Variants in DDHD2 observed in about 807,000 individuals in gnomAD.
DDHD2 encodes triacylglycerol hydrolase DDHD2.
In DDHD2, 62 loss-of-function variants were observed where a neutral mutation model predicts 91.2. That is an observed-to-expected ratio of 0.68 (90% CI 0.55 to 0.84). The LOEUF (loss-of-function observed/expected upper bound fraction) is 0.84. Ranked by LOEUF, DDHD2 falls within the 40% of genes least tolerant of loss-of-function variation. The pLI is 0.00. For missense variants in DDHD2, 740 were observed against 846.9 expected (o/e 0.87, Z 1.57); for synonymous variants, 271 against 293.9 (o/e 0.92, Z 0.80).
chr8:38,268,921 G>A, intron 1 of DDHD2: 1 of 1,559,948 alleles, frequency 6.4e-7, no homozygotes. Flanking sequence ...CCTCCACGTA[G>A]GGGTTCCGGT....
chr8:38,256,789 A>G (rs749601166), intron 16 of DDHD2, among the ~76,000 whole-genome samples: 5 of 152,246 alleles, frequency 3.3e-5, no homozygotes, highest in African/African-American at 4.8e-5. Context: ...TCTTGGGTAA[A>G]TAGGAATGGA....
chr8:38,246,063 G>A, intron 8 of DDHD2, 113 bp downstream of exon 8: 1 of 1,254,194 alleles, frequency 8.0e-7, no homozygotes, highest in East Asian at 2.3e-5. Flanking sequence ...GAAGTGGTCT[G>A]TGGTCAGGAA....
At chr8:38,255,978 T>C (rs1806483576) in intron 16 of DDHD2, among the ~76,000 whole-genome samples, 2 of 152,234 alleles carry the variant, frequency 1.3e-5, no homozygotes, top group South Asian at 4.1e-4. Context: ...TCTCCACAGC[T>C]TTTCCAACAG....
chr8:38,242,521 A>G (rs1805333988), intron 7 of DDHD2, 136 bp downstream of exon 7: 6 of 933,584 alleles, frequency 6.4e-6, no homozygotes, highest in Non-Finnish European at 9.5e-6. Context: ...AATGCTGATC[A>G]GTCCCTTGGT....
rs1483575436 is a variant in DDHD2, at chr8:38,269,613, T to C, written n.88-1509T>C. ...GCTACACTACCTGAGGTTGGCTGGA[T>C]TGTGTCATTTAGTCCTCCCACCCAG... On this transcript the variant is annotated intron_variant and non_coding_transcript_variant, in intron 1 of 1. Transcript: ENST00000526071. 6 of 197,418 alleles carry C rather than the reference T, an allele frequency of 3.0e-5. No individual in the cohort carries two copies. The Admixed American group carries it at 3.7e-4, about 12-fold the overall frequency. 12.2% of individuals were successfully genotyped at this position (197,418 alleles called of 1,614,324 possible). A position where few individuals can be genotyped will look rare whatever the true frequency, so the allele number is the denominator to read the frequency against.
intron 10 of DDHD2, among the ~76,000 whole-genome samples, chr8:38,248,200 C>G (rs1805797381): frequency 1.3e-5 from 2 of 152,060 alleles, no homozygotes; most frequent in South Asian, 4.2e-4. Context: ...TGCCCGCCAC[C>G]ACGCCTGGCT....
chr8:38,235,719 CAA>C (rs758520572), intron 3 of DDHD2, among the ~76,000 whole-genome samples: 4 of 76,394 alleles, frequency 5.2e-5, no homozygotes, highest in Admixed American at 3.0e-4. Context: ...AACTCCATCT[CAA>C]AAAAAAAAAA....
At position 38,231,598 on chromosome 8, in the gene DDHD2, C is replaced by T. The variant is rs984855636; in HGVS notation, c.-270C>T. On this transcript the variant is annotated 5_prime_UTR_variant, in exon 1 of 18. Coordinates refer to ENST00000397166, the MANE Select transcript of DDHD2 (RefSeq NM_015214.3). The stretch of plus-strand genomic sequence containing the variant: ...CCCCCACCTCTCGCGACACTTGCCG[C>T]CCGTGCCCTGCGGCCCTGCACGCCC... 6 of 152,366 alleles carry T rather than the reference C, an allele frequency of 3.9e-5. No homozygotes were observed. Among genetic ancestry groups the T allele is most frequent in the Admixed American group, 2.6e-4 (4 of 15,272 alleles). The allele number at this position is 152,366 out of a possible 1,614,324, so 9.4% of individuals were successfully genotyped here.
At chr8:38,254,314 G>A (rs968493107) in intron 16 of DDHD2, among the ~76,000 whole-genome samples, 15 of 152,114 alleles carry the variant, frequency 9.9e-5, no homozygotes, top group South Asian at 6.2e-4. Flanking sequence ...AAATATTACT[G>A]TTGCTGGAAG....
intron 1 of DDHD2, chr8:38,270,157 G>T (rs1281376739): frequency 6.6e-6 from 1 of 152,180 alleles, no homozygotes; most frequent in African/African-American, 2.4e-5. Flanking sequence ...AGAGCTTCTA[G>T]CCAAGTCACA....
At chr8:38,253,220 T>A in intron 15 of DDHD2, 93 bp downstream of exon 15, 2 of 1,247,590 alleles carry the variant, frequency 1.6e-6, no homozygotes, top group Non-Finnish European at 2.2e-6. Flanking sequence ...ATTTCACATT[T>A]AATTTCATAG....
chr8:38,253,005 T>TG lies in DDHD2; in HGVS notation c.1770dup (p.Leu591AlafsTer29). 1 of 1,614,178 alleles carries TG rather than the reference T, an allele frequency of 6.2e-7. No homozygotes were observed. Among genetic ancestry groups the TG allele is most frequent in the Non-Finnish European group, 8.5e-7 (1 of 1,180,042 alleles). On this transcript the variant is annotated frameshift_variant, in exon 15 of 18. Coordinates refer to ENST00000397166, the MANE Select transcript of DDHD2 (RefSeq NM_015214.3). LOFTEE classifies it high-confidence loss of function. The stretch of plus-strand genomic sequence containing the variant: ...ATGAGTATGGACCTTAAGAACAACT[T>TG]GCTAGGTTCGCTGCGGATGGCCTGG...
At chr8:38,252,098 T>C (rs1340887044) in intron 12 of DDHD2, 34 bp from the exon 13 acceptor site, 1 of 1,612,570 alleles carries the variant, frequency 6.2e-7, no homozygotes, top group Non-Finnish European at 8.5e-7. Context: ...ACTTTTGTTA[T>C]TAATGAGAGA....
At chr8:38,264,342 T>A, downstream of DDHD2, 2 of 942,862 alleles carry the variant, frequency 2.1e-6, no homozygotes, top group Admixed American at 3.3e-5. Flanking sequence ...GGGTTCACCA[T>A]GTTGGCCAGG....
intron 1 of DDHD2, chr8:38,270,057 T>C (rs1403960425): frequency 6.6e-6 from 1 of 152,200 alleles, no homozygotes; most frequent in African/African-American, 2.4e-5. Context: ...ATTATATATC[T>C]TGAAGTCTAT....
chr8:38,265,264 C>CAAAAAA (rs1228103198), downstream of DDHD2, among the ~76,000 whole-genome samples: 1 of 71,008 alleles, frequency 1.4e-5, no homozygotes, highest in Admixed American at 1.5e-4. Flanking sequence ...GACTCTGTCT[C>CAAAAAA]AAAAAAAAAA....
intron 2 of DDHD2, among the ~76,000 whole-genome samples, chr8:38,233,720 G>A (rs963105978): frequency 6.6e-5 from 10 of 152,156 alleles, no homozygotes; most frequent in Non-Finnish European, 1.0e-4. Context: ...CTTGAGGTCA[G>A]AGTTTGAGAT....
At position 38,247,746 on chromosome 8, in the gene DDHD2, A is replaced by G. The variant is rs746803670; in HGVS notation, c.1159A>G (p.Thr387Ala). The G allele has an allele frequency of 6.4e-6, 10 of 1,558,394 alleles. No individual in the cohort carries two copies. Among genetic ancestry groups the G allele is most frequent in the South Asian group, 2.4e-5 (2 of 84,040 alleles). The change falls in exon 10 of 18, where the codon ACA (threonine) becomes GCA (alanine). Residue 387 changes from threonine (T) to alanine (A), a missense_variant. Transcript: ENST00000397166. ...SLNIVMDQGDTPTLEEDLKKL... is the reference protein window; with the variant it reads ...SLNIVMDQGDAPTLEEDLKKL... ...AAATATTGTAATGGATCAAGGAGAT[A>G]CACCTACACTAGAGGAAGATTTGAA...
intron 5 of DDHD2, 145 bp downstream of exon 5, chr8:38,238,354 C>T: frequency 3.0e-5 from 43 of 1,441,142 alleles, no homozygotes; most frequent in Non-Finnish European, 3.8e-5. Flanking sequence ...AGATTAGCAT[C>T]ACTTCGTCTA....
Sources: allele counts gnomAD v4.1 joint callset (sites outside exome capture counted in the v4.1 genomes callset), GRCh38; gene constraint gnomAD v4.1.1; transcripts MANE v1.5; gene names NCBI Gene and HGNC (gene_info 2026-07-23, HGNC 2026-07-21).